The following EBF3 variants were observed in gnomAD, a reference collection of about 807,000 sequenced individuals.
The protein encoded by EBF3 is transcription factor COE3.
In EBF3, 18 loss-of-function variants were observed where a neutral mutation model predicts 77.1. The ratio of observed to expected loss-of-function variants is 0.23; its 90% CI spans 0.16 to 0.35. EBF3 has a LOEUF of 0.35. EBF3 is among the 10% of genes least tolerant of loss of function. The pLI, the probability that EBF3 is intolerant of heterozygous loss-of-function variation, is 1.00. For synonymous variants in EBF3, 350 were observed against 343.5 expected (o/e 1.02, Z -0.21); for missense variants, 558 against 860.0 (o/e 0.65, Z 4.39).
At position 129,962,230 on chromosome 10, in the gene EBF3, C is replaced by CA. The variant is rs759949651; in HGVS notation, c.356-5dup. 34 of 1,613,530 alleles carry CA rather than the reference C, an allele frequency of 2.1e-5. No individual in the cohort carries two copies. In the East Asian group the frequency reaches 2.2e-4, roughly 11 times the overall value. On this transcript the variant is annotated splice_region_variant and splice_polypyrimidine_tract_variant and intron_variant, in intron 3 of 16. Coordinates refer to ENST00000440978, the MANE Select transcript of EBF3 (RefSeq NM_001375380.1). ...AGATCTTGCTCTGTTCTGACTCCTG[C>CA]AAAAAAACAGAGACAAATTCTCATC...
chr10:129,963,634 C>T lies in EBF3; in HGVS notation c.134+1G>A. ...GGCGCGCGGGGGCGGCCGGTACGTA[C>T]CTCTGGGCGGCCGTGTTGGCGTCCA... On this transcript the variant is annotated splice_donor_variant, in intron 1 of 16. Transcript: ENST00000440978. LOFTEE classifies it high-confidence loss of function. This position sits in a 1 kb window ranked among gnomAD's most constrained non-coding sequence, Gnocchi z 7.1. 1 of 1,456,932 alleles carries T rather than the reference C, an allele frequency of 6.9e-7. No homozygotes were observed. Among genetic ancestry groups the T allele is most frequent in the Non-Finnish European group, 9.2e-7 (1 of 1,091,206 alleles). 90.3% of individuals were successfully genotyped at this position (1,456,932 alleles called of 1,614,324 possible).
chr10:129,959,711 G>A (rs1168258643), intron 4 of EBF3, among the ~76,000 whole-genome samples: 1 of 151,850 alleles, frequency 6.6e-6, no homozygotes, highest in Non-Finnish European at 1.5e-5. Flanking sequence ...CCTGGCCTCT[G>A]CACGCTGCGG....
chr10:129,891,671 G>A (rs927958343), intron 6 of EBF3, among the ~76,000 whole-genome samples: 4 of 152,168 alleles, frequency 2.6e-5, no homozygotes, highest in Non-Finnish European at 5.9e-5. Context: ...CCAGCAGGCC[G>A]CGCCATCCTT....
At chr10:129,919,487 C>A (rs898354142) in intron 6 of EBF3, among the ~76,000 whole-genome samples, 2 of 152,056 alleles carry the variant, frequency 1.3e-5, no homozygotes, top group African/African-American at 4.8e-5. Context: ...GTAGCACAGG[C>A]CACCTGTGCT....
chr10:129,959,572 A>G (rs1490852629), intron 4 of EBF3, among the ~76,000 whole-genome samples: 6 of 151,842 alleles, frequency 4.0e-5, no homozygotes, highest in Admixed American at 3.3e-4. Context: ...CCCCGGCTCT[A>G]GCAAGTCTGG....
intron 10 of EBF3, among the ~76,000 whole-genome samples, chr10:129,865,818 C>T (rs746535237): frequency 8.7e-4 from 133 of 152,194 alleles, no homozygotes; most frequent in Non-Finnish European, 2.5e-4. Context: ...CCATGTCACC[C>T]GCTCTCTGGA....
intron 6 of EBF3, among the ~76,000 whole-genome samples, chr10:129,922,442 T>C (rs1856377357): frequency 6.6e-6 from 1 of 152,240 alleles, no homozygotes; most frequent in South Asian, 2.1e-4. Context: ...CTACTGTTTG[T>C]GCATAAATAC....
chr10:129,903,463 T>C (rs1854926669), intron 6 of EBF3, among the ~76,000 whole-genome samples: 1 of 152,202 alleles, frequency 6.6e-6, no homozygotes, highest in Non-Finnish European at 1.5e-5. Flanking sequence ...GCTAAATTTA[T>C]GAAGAAAGAG....
rs72837145 is a variant in EBF3, at chr10:129,841,924, T to C, written c.1372+192A>G. On this transcript the variant is annotated intron_variant, in intron 13 of 16. Transcript: ENST00000440978. This position sits in a 1 kb window ranked among gnomAD's most constrained non-coding sequence, Gnocchi z 4.6. ...GTTTTTAGTAACTGGGCTCTCTGAGTGTTCTTACCCCAGCACTGGCTGGGA... is the reference window on the plus strand; with the variant it reads ...GTTTTTAGTAACTGGGCTCTCTGAGCGTTCTTACCCCAGCACTGGCTGGGA... Among the ~76,000 whole-genome samples, 1 of 152,246 alleles carries C rather than the reference T, an allele frequency of 6.6e-6. No homozygotes were observed. Among genetic ancestry groups the C allele is most frequent in the Admixed American group, 6.5e-5 (1 of 15,304 alleles).
rs1232738037 is a variant in EBF3, at chr10:129,943,518, T to C, written c.554+13740A>G. Reference sequence around the variant, plus strand: ...TGGAGGTTAGAGATTGGATAATTTCTTTCAGCTGGACCTGGCCTCCAGCGC... The same window carrying C: ...TGGAGGTTAGAGATTGGATAATTTCCTTCAGCTGGACCTGGCCTCCAGCGC... On this transcript the variant is annotated intron_variant, in intron 6 of 16. Coordinates refer to ENST00000440978, the MANE Select transcript of EBF3 (RefSeq NM_001375380.1). The surrounding 1 kb of genome is among the most constrained non-coding windows in gnomAD (Gnocchi z 8.8). Among the ~76,000 whole-genome samples, 2 of 152,218 alleles carry C rather than the reference T, an allele frequency of 1.3e-5. No homozygotes were observed. Among genetic ancestry groups the C allele is most frequent in the African/African-American group, 4.8e-5 (2 of 41,456 alleles).
chr10:129,944,059 A>AT lies in EBF3; in HGVS notation c.554+13198dup, dbSNP rs1857998039. Among the ~76,000 whole-genome samples, 1 of 152,164 alleles carries AT rather than the reference A, an allele frequency of 6.6e-6. No homozygotes were observed. The highest frequency in any genetic ancestry group is 6.5e-5 in the Admixed American group (1 of 15,276). ...TATTATCGCCTTTATGTTTTAATCC[A>AT]TTTTTTACACCGTGGGAAAAGAAAA... is the stretch of plus-strand genomic sequence containing the variant. On this transcript the variant is annotated intron_variant, in intron 6 of 16. Transcript: ENST00000440978. This position sits in a 1 kb window ranked among gnomAD's most constrained non-coding sequence, Gnocchi z 5.1.
At chr10:129,862,965 C>A (rs1232877781) in intron 10 of EBF3, among the ~76,000 whole-genome samples, 1 of 152,192 alleles carries the variant, frequency 6.6e-6, no homozygotes. Context: ...GCAAATGGCA[C>A]ACTGTTAGAC....
chr10:129,909,869 A>G (rs1187867466), intron 6 of EBF3, among the ~76,000 whole-genome samples: 1 of 152,180 alleles, frequency 6.6e-6, no homozygotes, highest in Non-Finnish European at 1.5e-5. Flanking sequence ...CGCTCTGGAA[A>G]CAATTACTCC....
intron 6 of EBF3, among the ~76,000 whole-genome samples, chr10:129,886,225 C>T (rs1272392413): frequency 1.3e-5 from 2 of 152,190 alleles, no homozygotes; most frequent in Non-Finnish European, 2.9e-5. Context: ...GCACGGAGGA[C>T]ACCAGTGTTG....
intron 8 of EBF3, among the ~76,000 whole-genome samples, chr10:129,871,554 G>A (rs1334766906): frequency 6.6e-6 from 1 of 152,138 alleles, no homozygotes; most frequent in Non-Finnish European, 1.5e-5. Flanking sequence ...GACTGATGTA[G>A]AGCCAGCCTC....
chr10:129,842,513 C>T lies in EBF3; in HGVS notation c.1195-220G>A, dbSNP rs1007923713. 6.6e-6 allele frequency among the ~76,000 whole-genome samples: 1 copy of T among 152,170 alleles called. No individual in the cohort carries two copies. Among genetic ancestry groups the T allele is most frequent in the African/African-American group, 2.4e-5 (1 of 41,428 alleles). On this transcript the variant is annotated intron_variant, in intron 12 of 16. Transcript: ENST00000440978. The surrounding 1 kb of genome is among the most constrained non-coding windows in gnomAD (Gnocchi z 4.4). ...GCACGGTGGCTCACTCCTGTAATCC[C>T]AGCATTTTGGGAGGTCAAGGCAGGC...
chr10:129,902,645 G>T (rs1200925744), intron 6 of EBF3, among the ~76,000 whole-genome samples: 1 of 152,178 alleles, frequency 6.6e-6, no homozygotes, highest in Non-Finnish European at 1.5e-5. Context: ...TGGTGACAAT[G>T]ACACTTGGTA....
intron 6 of EBF3, among the ~76,000 whole-genome samples, chr10:129,948,900 C>G (rs1017944250): frequency 6.6e-6 from 1 of 152,130 alleles, no homozygotes; most frequent in African/African-American, 2.4e-5. Flanking sequence ...CAGAGCCGGA[C>G]GTGTGGTTCT....
chr10:129,920,311 C>T (rs1490345744), intron 6 of EBF3, among the ~76,000 whole-genome samples: 5 of 151,326 alleles, frequency 3.3e-5, no homozygotes, highest in South Asian at 4.2e-4. Context: ...CCCCGCTGTG[C>T]GGTCTAGGGC....
Sources: gnomAD v4.1 joint callset for allele counts (sites outside exome capture counted in the v4.1 genomes callset) on GRCh38, gnomAD v4.1.1 for gene constraint, Gnocchi (gnomAD v3.1) non-coding constraint, MANE v1.5 for transcripts, NCBI Gene and HGNC (gene_info 2026-07-23, HGNC 2026-07-21) for gene names.